The following CDC42BPA variants were observed in gnomAD, a reference collection of about 807,000 sequenced individuals.
CDC42BPA encodes the protein serine/threonine-protein kinase MRCK alpha.
In CDC42BPA, 80 loss-of-function variants were observed where a neutral mutation model predicts 223.5. The observed-to-expected ratio is 0.36, with a 90% CI of 0.30 to 0.43. The LOEUF (loss-of-function observed/expected upper bound fraction) is 0.43, where lower values mean the gene tolerates loss of function less well. CDC42BPA is among the 20% of genes least tolerant of loss of function. The pLI is 1.00. For missense variants in CDC42BPA, 1,743 were observed against 2,099.9 expected (o/e 0.83, Z 3.32); for synonymous variants, 694 against 718.6 (o/e 0.97, Z 0.55).
chr1:227,310,184 T>A (rs1336745145), intron 1 of CDC42BPA, among the ~76,000 whole-genome samples: 3 of 152,212 alleles, frequency 2.0e-5, no homozygotes, highest in South Asian at 4.1e-4. Flanking sequence ...AAAAGCCTAT[T>A]CCATAGTCAG....
At chr1:227,131,930 C>G (rs1362768064) in intron 10 of CDC42BPA, among the ~76,000 whole-genome samples, 1 of 152,154 alleles carries the variant, frequency 6.6e-6, no homozygotes, top group Non-Finnish European at 1.5e-5. Context: ...GCAGGTGGTA[C>G]CATCACCTTA....
At chr1:227,263,872 G>A (rs1047607151) in intron 1 of CDC42BPA, among the ~76,000 whole-genome samples, 24 of 152,218 alleles carry the variant, frequency 1.6e-4, no homozygotes, top group African/African-American at 3.9e-4. Context: ...ATGAGCCACC[G>A]TGCCCAGCCA....
Position 227,317,528 on chromosome 1 carries a change from ACT to A in CDC42BPA, c.-348_-347del, listed in dbSNP as rs1177834649. 1.0e-5 allele frequency: 4 copies of A among 393,518 alleles called. No individual in the cohort carries two copies. The highest frequency in any genetic ancestry group is 1.8e-5 in the Non-Finnish European group (4 of 225,130). 24.4% of individuals were successfully genotyped at this position (393,518 alleles called of 1,614,324 possible). A position where few individuals can be genotyped will look rare whatever the true frequency, so the allele number is the denominator to read the frequency against. ...CACTTCTTTAAAAAAAAAAAAAAAAACTCTTCTCCTTCATTCAAAATTCAACT... is the reference window on the plus strand; with the variant it reads ...CACTTCTTTAAAAAAAAAAAAAAAAACTTCTCCTTCATTCAAAATTCAACT... On this transcript the variant is annotated 5_prime_UTR_variant, in exon 1 of 37. It removes the in-frame stop codon of an upstream open reading frame in the 5' UTR. Transcript: ENST00000366766.
chr1:227,085,157 C>T (rs1010376496), intron 16 of CDC42BPA, among the ~76,000 whole-genome samples: 1 of 152,004 alleles, frequency 6.6e-6, no homozygotes, highest in South Asian at 2.1e-4. Flanking sequence ...TTATAATCTC[C>T]CCTGCTCCCA....
At chr1:227,239,892 T>C (rs1305699696) in intron 2 of CDC42BPA, among the ~76,000 whole-genome samples, 1 of 152,080 alleles carries the variant, frequency 6.6e-6, no homozygotes, top group African/African-American at 2.4e-5. Context: ...TGACACCATT[T>C]CAACACTGTA....
At chr1:227,158,351 A>G (rs1405778669) in intron 6 of CDC42BPA, among the ~76,000 whole-genome samples, 1 of 151,698 alleles carries the variant, frequency 6.6e-6, no homozygotes, top group East Asian at 1.9e-4. Context: ...CTGTATCACT[A>G]TCCACATGCC....
chr1:227,143,031 G>A lies in CDC42BPA; in HGVS notation c.1144-7C>T, dbSNP rs765654993. 3 of 1,509,616 alleles carry A rather than the reference G, an allele frequency of 2.0e-6. No individual in the cohort carries two copies. The highest frequency in any genetic ancestry group is 1.8e-6 in the Non-Finnish European group (2 of 1,139,346). The allele number at this position is 1,509,616 out of a possible 1,614,324, so 93.5% of individuals were successfully genotyped here. ...TTGGTGGGGGCATCGTTTCCTAAAG[G>A]AGGAAAAAACATCTGGTAAGAAATA... On this transcript the variant is annotated splice_region_variant and splice_polypyrimidine_tract_variant and intron_variant, in intron 8 of 36. Transcript: ENST00000366766.
chr1:227,053,938 T>G (rs892624051), intron 21 of CDC42BPA, among the ~76,000 whole-genome samples: 1 of 152,172 alleles, frequency 6.6e-6, no homozygotes. Context: ...TTGCAAGAAT[T>G]AGGTGTCCAT....
intron 3 of CDC42BPA, among the ~76,000 whole-genome samples, chr1:227,208,237 A>AG (rs1490160721): frequency 6.6e-6 from 1 of 150,824 alleles, no homozygotes; most frequent in Admixed American, 6.6e-5. Context: ...AATTTGTTTG[A>AG]GTTCATTGTA....
intron 35 of CDC42BPA, among the ~76,000 whole-genome samples, chr1:227,000,496 T>C (rs1662598938): frequency 6.6e-6 from 1 of 152,218 alleles, no homozygotes. Flanking sequence ...ACTAATGGTG[T>C]GACCTTAAGC....
chr1:227,187,865 A>G (rs1445399734), intron 5 of CDC42BPA, among the ~76,000 whole-genome samples: 5 of 151,692 alleles, frequency 3.3e-5, no homozygotes, highest in Admixed American at 1.3e-4. Context: ...GTGAAGTGAA[A>G]TATTTAAAAG....
chr1:227,311,778 G>A (rs1693583829), intron 1 of CDC42BPA, among the ~76,000 whole-genome samples: 2 of 150,932 alleles, frequency 1.3e-5, no homozygotes, highest in African/African-American at 4.9e-5. Context: ...TAGCAACTCA[G>A]GAACACAGTA....
chr1:227,295,567 T>C (rs1430095850), intron 1 of CDC42BPA, among the ~76,000 whole-genome samples: 2 of 152,210 alleles, frequency 1.3e-5, no homozygotes, highest in African/African-American at 4.8e-5. Flanking sequence ...GTTAATGTAG[T>C]AGGAAAAGTG....
intron 16 of CDC42BPA, among the ~76,000 whole-genome samples, chr1:227,083,995 A>C (rs959113752): frequency 6.6e-6 from 1 of 152,216 alleles, no homozygotes; most frequent in Non-Finnish European, 1.5e-5. Context: ...CCTAAAGAGG[A>C]AAAGTGGCAC....
At chr1:227,054,137 G>A (rs1674086438) in intron 21 of CDC42BPA, among the ~76,000 whole-genome samples, 1 of 138,186 alleles carries the variant, frequency 7.2e-6, no homozygotes, top group Non-Finnish European at 1.6e-5. Flanking sequence ...TGTTGCAAAA[G>A]GCTTTATTTA....
At chr1:227,109,444 C>T (rs1482071091) in intron 14 of CDC42BPA, among the ~76,000 whole-genome samples, 1 of 152,124 alleles carries the variant, frequency 6.6e-6, no homozygotes, top group Non-Finnish European at 1.5e-5. Flanking sequence ...CAGCTTACTG[C>T]AATCTCTGCC....
chr1:227,299,138 T>C (rs1157537764), intron 1 of CDC42BPA, among the ~76,000 whole-genome samples: 3 of 152,212 alleles, frequency 2.0e-5, no homozygotes, highest in Non-Finnish European at 4.4e-5. Flanking sequence ...GTTTGAGCCA[T>C]GTGCAGAGAA....
Position 227,030,482 on chromosome 1 carries a change from A to G in CDC42BPA, c.3776-12T>C. ...AATTCTTTCATGATCTATGTAAGAC[A>G]TGAATGTGAAAGATTTTTATTAGGA... On this transcript the variant is annotated splice_polypyrimidine_tract_variant and intron_variant, in intron 28 of 36. Coordinates refer to ENST00000366766, the MANE Select transcript of CDC42BPA (RefSeq NM_001394014.1). 1 of 1,531,272 alleles carries G rather than the reference A, an allele frequency of 6.5e-7. No individual in the cohort carries two copies. Among genetic ancestry groups the G allele is most frequent in the Non-Finnish European group, 8.9e-7 (1 of 1,125,986 alleles). 94.9% of individuals were successfully genotyped at this position (1,531,272 alleles called of 1,614,324 possible). A position where few individuals can be genotyped will look rare whatever the true frequency, so the allele number is the denominator to read the frequency against.
intron 2 of CDC42BPA, among the ~76,000 whole-genome samples, chr1:227,244,097 T>G (rs1316576073): frequency 6.6e-6 from 1 of 151,982 alleles, no homozygotes; most frequent in Non-Finnish European, 1.5e-5. Context: ...ATATAAATCA[T>G]TAACCACTTG....
Sources: allele counts gnomAD v4.1 joint callset (sites outside exome capture counted in the v4.1 genomes callset), GRCh38; gene constraint gnomAD v4.1.1; transcripts MANE v1.5; gene names NCBI Gene and HGNC (gene_info 2026-07-23, HGNC 2026-07-21).